WWOX: variants seen among roughly 807,000 people sequenced by gnomAD.
WWOX encodes the protein WW domain-containing oxidoreductase.
Under a neutral mutation model 46.2 loss-of-function variants are expected in WWOX, and 69 were observed. That is an observed-to-expected ratio of 1.49 (90% confidence interval 1.23 to 1.82). WWOX has a LOEUF of 1.82. Ranked by LOEUF, WWOX falls within the 40% of genes most tolerant of loss-of-function variation. The pLI, the probability that WWOX is intolerant of heterozygous loss-of-function variation, is 0.00. For missense variants in WWOX, 919 were observed against 542.6 expected, an observed-to-expected ratio of 1.69 and a Z score of -6.89; for synonymous variants, 359 against 202.6, an observed-to-expected ratio of 1.77 and a Z score of -6.56.
At chr16:78,652,078 G>A (rs1036395393) in intron 8 of WWOX, among the ~76,000 whole-genome samples, 1 of 152,154 alleles carries the variant, frequency 6.6e-6, no homozygotes, top group Non-Finnish European at 1.5e-5. Flanking sequence ...TAAGCCAGAT[G>A]TCCAGAAGCC....
At chr16:78,901,400 T>C (rs939363512) in intron 8 of WWOX, among the ~76,000 whole-genome samples, 18 of 152,224 alleles carry the variant, frequency 1.2e-4, no homozygotes, top group Non-Finnish European at 2.1e-4. Context: ...CTTTCTCTTT[T>C]TTTCCTGTTC....
At chr16:78,964,163 A>G (rs1008032959) in intron 8 of WWOX, among the ~76,000 whole-genome samples, 9 of 152,212 alleles carry the variant, frequency 5.9e-5, no homozygotes, top group African/African-American at 1.9e-4. Flanking sequence ...CTGAAAAGAT[A>G]TCTGAAAATG....
intron 6 of WWOX, among the ~76,000 whole-genome samples, chr16:78,420,201 GT>G (rs1172115841): frequency 2.0e-5 from 3 of 152,084 alleles, no homozygotes; most frequent in Non-Finnish European, 4.4e-5. Context: ...CTGGAAAACA[GT>G]TTGGCCATTA....
chr16:78,890,913 C>T (rs570567845), intron 8 of WWOX: 6 of 152,128 alleles, frequency 3.9e-5, no homozygotes, highest in African/African-American at 7.2e-5. Flanking sequence ...AATCAATCTC[C>T]TTTCATCAGG....
intron 5 of WWOX, among the ~76,000 whole-genome samples, chr16:78,335,848 T>A (rs2080877220): frequency 1.3e-5 from 2 of 152,140 alleles, no homozygotes; most frequent in Non-Finnish European, 2.9e-5. Context: ...TCCCACCACT[T>A]TGTGAGGCCG....
chr16:78,669,243 C>G (rs2047404023), intron 8 of WWOX, among the ~76,000 whole-genome samples: 2 of 152,224 alleles, frequency 1.3e-5, no homozygotes, highest in Non-Finnish European at 2.9e-5. Context: ...TATGGCCCTT[C>G]CCTCACATTT....
At chr16:78,867,812 C>T (rs1322059927) in intron 8 of WWOX, among the ~76,000 whole-genome samples, 6 of 152,068 alleles carry the variant, frequency 3.9e-5, no homozygotes, top group Non-Finnish European at 7.4e-5. Flanking sequence ...CTCATCGCTG[C>T]CACTGTAAAA....
intron 8 of WWOX, among the ~76,000 whole-genome samples, chr16:79,121,568 T>C (rs892605345): frequency 3.9e-5 from 6 of 152,058 alleles, no homozygotes; most frequent in African/African-American, 1.4e-4. Flanking sequence ...AGGCCTGCAG[T>C]TGAATAACAA....
chr16:78,891,946 T>A (rs2044599698), intron 8 of WWOX: 1 of 152,182 alleles, frequency 6.6e-6, no homozygotes, highest in East Asian at 1.9e-4. Flanking sequence ...TCAGTGTAGG[T>A]CGGGGAGGTC....
At chr16:78,529,892 A>T (rs371615664) in intron 8 of WWOX, among the ~76,000 whole-genome samples, 1 of 152,226 alleles carries the variant, frequency 6.6e-6, no homozygotes, top group Non-Finnish European at 1.5e-5. Context: ...GGTAATGCTA[A>T]TCATAAAGTT....
chr16:78,212,745 T>A (rs2036596848), intron 5 of WWOX, among the ~76,000 whole-genome samples: 1 of 152,164 alleles, frequency 6.6e-6, no homozygotes, highest in African/African-American at 2.4e-5. Context: ...ATGAACAGTC[T>A]GGTAATGCTG....
At chr16:78,588,688 T>G (rs2045279011) in intron 8 of WWOX, among the ~76,000 whole-genome samples, 1 of 152,230 alleles carries the variant, frequency 6.6e-6, no homozygotes, top group East Asian at 1.9e-4. Flanking sequence ...CCTAGGTGCC[T>G]CTTAATGCCT....
intron 5 of WWOX, among the ~76,000 whole-genome samples, chr16:78,386,579 C>G (rs373052053): frequency 6.6e-6 from 1 of 152,214 alleles, no homozygotes; most frequent in East Asian, 1.9e-4. Flanking sequence ...TAGCCCGAAG[C>G]GCCTTTGCAG....
chr16:78,440,640 G>A (rs1422545954), intron 8 of WWOX, among the ~76,000 whole-genome samples: 4 of 148,574 alleles, frequency 2.7e-5, no homozygotes, highest in East Asian at 3.9e-4. Context: ...TTTTTGAGAC[G>A]GAGTGTCTCT....
At chr16:78,300,298 A>G (rs2080016650) in intron 5 of WWOX, among the ~76,000 whole-genome samples, 1 of 152,220 alleles carries the variant, frequency 6.6e-6, no homozygotes, top group Non-Finnish European at 1.5e-5. Flanking sequence ...TGTTAGTCAT[A>G]TTGTCATCCG....
At chr16:78,763,272 A>G (rs969948966) in intron 8 of WWOX, among the ~76,000 whole-genome samples, 1 of 152,198 alleles carries the variant, frequency 6.6e-6, no homozygotes, top group Non-Finnish European at 1.5e-5. Flanking sequence ...AAATTTTGGT[A>G]TGTTGTATTT....
At chr16:79,180,126 C>T (rs138498742) in intron 8 of WWOX, among the ~76,000 whole-genome samples, 2 of 152,154 alleles carry the variant, frequency 1.3e-5, no homozygotes, top group Non-Finnish European at 2.9e-5. Flanking sequence ...TTAGAAGAGA[C>T]TCTGGGGAAT....
At chr16:79,196,059 T>G (rs112828364) in intron 8 of WWOX, among the ~76,000 whole-genome samples, 1 of 152,186 alleles carries the variant, frequency 6.6e-6, no homozygotes, top group African/African-American at 2.4e-5. Context: ...GGAACCTGTT[T>G]GCATGTTCAT....
At chr16:78,443,743 T>C (rs1436422373) in intron 8 of WWOX, among the ~76,000 whole-genome samples, 2 of 152,240 alleles carry the variant, frequency 1.3e-5, no homozygotes, top group African/African-American at 4.8e-5. Flanking sequence ...CGTTGGCATT[T>C]TGGTAATGTG....
Sources: gnomAD v4.1 joint callset for allele counts (sites outside exome capture counted in the v4.1 genomes callset) on GRCh38, gnomAD v4.1.1 for gene constraint, MANE v1.5 for transcripts, NCBI Gene and HGNC (gene_info 2026-07-23, HGNC 2026-07-21) for gene names.